The following STIM1 variants were observed in gnomAD, a reference collection of about 807,000 sequenced individuals.
The protein encoded by STIM1 is stromal interaction molecule 1.
In STIM1, 25 loss-of-function variants were observed where a neutral mutation model predicts 74.7. The ratio of observed to expected loss-of-function variants is 0.33; its 90% CI spans 0.24 to 0.47. The LOEUF is 0.47. STIM1 is among the 20% of genes least tolerant of loss of function. The probability of loss-of-function intolerance (pLI) is 1.00; values close to 1 mark genes in which losing one functional copy is unlikely to be tolerated. For synonymous variants in STIM1, 328 were observed against 348.8 expected, an observed-to-expected ratio of 0.94 and a Z score of 0.66; for missense variants, 728 against 920.8, an observed-to-expected ratio of 0.79 and a Z score of 2.71.
At chr11:3,993,793 ATCT>A (rs1315768762) in intron 2 of STIM1, among the ~76,000 whole-genome samples, 2 of 152,224 alleles carry the variant, frequency 1.3e-5, no homozygotes, top group Admixed American at 1.3e-4. Flanking sequence ...TGGCACCCAG[ATCT>A]TCATTATGAA....
intron 3 of STIM1, among the ~76,000 whole-genome samples, chr11:4,048,219 T>A (rs2094209191): frequency 6.6e-6 from 1 of 152,258 alleles, no homozygotes. Flanking sequence ...GGCTTCTTGC[T>A]GCTTACAGCA....
At chr11:3,955,028 G>C (rs1031662986) in intron 1 of STIM1, among the ~76,000 whole-genome samples, 2 of 152,192 alleles carry the variant, frequency 1.3e-5, no homozygotes, top group African/African-American at 4.8e-5. Context: ...CCATTCAATG[G>C]AATACTACTC....
At chr11:4,033,589 T>C (rs188322602) in intron 3 of STIM1, among the ~76,000 whole-genome samples, 76 of 152,014 alleles carry the variant, frequency 5.0e-4, no homozygotes, top group African/African-American at 1.8e-3. Context: ...TATCCATGTT[T>C]CATTTCTAAT....
intron 2 of STIM1, among the ~76,000 whole-genome samples, chr11:3,988,596 C>G (rs2093579578): frequency 6.6e-6 from 1 of 152,062 alleles, no homozygotes; most frequent in Non-Finnish European, 1.5e-5. Flanking sequence ...AACTGAATAG[C>G]ATGTATACTA....
At chr11:3,988,270 G>A (rs1250236860) in intron 2 of STIM1, among the ~76,000 whole-genome samples, 2 of 152,052 alleles carry the variant, frequency 1.3e-5, no homozygotes, top group Non-Finnish European at 2.9e-5. Context: ...AGCAGAGGGT[G>A]GATTTATTAT....
chr11:3,858,211 A>G (rs1412782180), intron 1 of STIM1, among the ~76,000 whole-genome samples: 3 of 151,864 alleles, frequency 2.0e-5, no homozygotes, highest in Admixed American at 6.6e-5. Context: ...TTGAATGTAG[A>G]CATTGGCTGG....
intron 2 of STIM1, among the ~76,000 whole-genome samples, chr11:3,994,038 T>C (rs1383861322): frequency 2.6e-5 from 4 of 152,122 alleles, no homozygotes; most frequent in Non-Finnish European, 4.4e-5. Context: ...TCCTTTAGTA[T>C]TTTTTTGTAA....
Position 3,903,217 on chromosome 11 carries a change from G to A in STIM1, c.139+46808G>A, listed in dbSNP as rs116314646. ...CTCACATGGCTAATAAGTGGTAGAG[G>A]TGGGATTCGGGCCCAGGTAATATGT... On this transcript the variant is annotated intron_variant, in intron 1 of 12. Coordinates refer to ENST00000526596, the MANE Select transcript of STIM1 (RefSeq NM_001382567.1). 6.8e-3 allele frequency among the ~76,000 whole-genome samples: 1,034 copies of A among 152,292 alleles called. 12 individuals carry two copies. Among genetic ancestry groups the A allele is most frequent in the African/African-American group, 0.024 (986 of 41,554 alleles).
chr11:3,972,150 G>A (rs1215241344), intron 2 of STIM1, among the ~76,000 whole-genome samples: 1 of 152,188 alleles, frequency 6.6e-6, no homozygotes, highest in African/African-American at 2.4e-5. Context: ...TTACTCAAGA[G>A]CCTTAGTAGA....
At chr11:4,080,388 T>G (rs1437218608) in intron 7 of STIM1, among the ~76,000 whole-genome samples, 1 of 152,206 alleles carries the variant, frequency 6.6e-6, no homozygotes, top group African/African-American at 2.4e-5. Flanking sequence ...GTGCATGGCA[T>G]GATATGTCTC....
chr11:4,015,289 A>G (rs971266107), intron 2 of STIM1, among the ~76,000 whole-genome samples: 3 of 152,100 alleles, frequency 2.0e-5, no homozygotes, highest in African/African-American at 7.2e-5. Flanking sequence ...AAAGGATTTT[A>G]TTTCTCCTTC....
chr11:3,856,099 G>C lies in STIM1; in HGVS notation c.-172G>C. 1 of 779,358 alleles carries C rather than the reference G, an allele frequency of 1.3e-6. No individual in the cohort carries two copies. The highest frequency in any genetic ancestry group is 2.1e-6 in the Non-Finnish European group (1 of 477,610). 48.3% of individuals were successfully genotyped at this position (779,358 alleles called of 1,614,324 possible). On this transcript the variant is annotated 5_prime_UTR_variant, in exon 1 of 13. Coordinates refer to ENST00000526596, the MANE Select transcript of STIM1 (RefSeq NM_001382567.1). ...AGCCCTCCTCCCGCACCCAAACTTG[G>C]AGCACTTGACCTTTGGCTGTTGGAG... is the stretch of plus-strand genomic sequence containing the variant.
intron 3 of STIM1, among the ~76,000 whole-genome samples, chr11:4,024,788 C>T (rs1245136953): frequency 6.6e-6 from 1 of 151,986 alleles, no homozygotes; most frequent in Non-Finnish European, 1.5e-5. Context: ...ACCATGATTA[C>T]CATTTTTTTT....
At chr11:3,886,359 A>C (rs982603441) in intron 1 of STIM1, among the ~76,000 whole-genome samples, 1 of 152,158 alleles carries the variant, frequency 6.6e-6, no homozygotes, top group African/African-American at 2.4e-5. Flanking sequence ...CTACTGGTAT[A>C]ATTCCTTGAG....
intron 1 of STIM1, among the ~76,000 whole-genome samples, chr11:3,895,887 TTTCTTTCTTTCTTTCTTTC>T (rs2092147750): frequency 7.2e-6 from 1 of 139,094 alleles, no homozygotes; most frequent in South Asian, 2.2e-4. Context: ...TTTTCTTTCT[TTTCTTTCTTTCTTTCTTTC>T]TTCTTTCTTT....
chr11:4,088,563 T>C (rs1590701392), intron 12 of STIM1: 2 of 724,854 alleles, frequency 2.8e-6, no homozygotes, highest in South Asian at 3.1e-5. Flanking sequence ...GAGGATCAAA[T>C]TGGGTTGGGG....
At chr11:4,046,551 G>A (rs1019374768) in intron 3 of STIM1, among the ~76,000 whole-genome samples, 3 of 152,138 alleles carry the variant, frequency 2.0e-5, no homozygotes, top group Non-Finnish European at 4.4e-5. Context: ...TAAGAGATTG[G>A]AGCATTCTTG....
intron 1 of STIM1, among the ~76,000 whole-genome samples, chr11:3,886,119 G>C (rs1264245579): frequency 6.6e-6 from 1 of 152,180 alleles, no homozygotes; most frequent in Non-Finnish European, 1.5e-5. Flanking sequence ...AGAATGAATT[G>C]TTATCTCCGA....
chr11:3,942,348 A>C (rs2093021940), intron 1 of STIM1, among the ~76,000 whole-genome samples: 1 of 152,326 alleles, frequency 6.6e-6, no homozygotes, highest in Admixed American at 6.5e-5. Flanking sequence ...GAGTGGTCTG[A>C]GGTGCCTGGA....
Sources: allele counts gnomAD v4.1 joint callset (sites outside exome capture counted in the v4.1 genomes callset), GRCh38; gene constraint gnomAD v4.1.1; transcripts MANE v1.5; gene names NCBI Gene and HGNC (gene_info 2026-07-23, HGNC 2026-07-21).